Variants in ERG observed in about 807,000 individuals in gnomAD.
The protein encoded by ERG is ETS transcription factor ERG.
ERG carries 9 observed loss-of-function variants against 55.3 expected under a neutral mutation model. That is an observed-to-expected ratio of 0.16 (90% CI 0.10 to 0.28). The LOEUF (loss-of-function observed/expected upper bound fraction) is 0.28, where lower values mean the gene tolerates loss of function less well. Among genes scored for constraint, ERG ranks in the 10% least tolerant of loss-of-function variants. ERG has a pLI of 1.00. For missense variants in ERG, 434 were observed against 631.6 expected (o/e 0.69, Z 3.35); for synonymous variants, 223 against 237.3 (o/e 0.94, Z 0.55).
chr21:38,449,336 C>G (rs560798587), intron 1 of ERG, among the ~76,000 whole-genome samples: 1 of 152,284 alleles, frequency 6.6e-6, no homozygotes, highest in African/African-American at 2.4e-5. Context: ...TTTTAAATAA[C>G]TTACGAGAAA....
At chr21:38,485,461 CTT>C (rs34211335) in intron 1 of ERG, among the ~76,000 whole-genome samples, 44 of 130,366 alleles carry the variant, frequency 3.4e-4, no homozygotes, top group Middle Eastern at 4.2e-3. Flanking sequence ...AATATACAGT[CTT>C]TTTTTTTTTT....
At chr21:38,461,532 G>C (rs147085131) in intron 1 of ERG, among the ~76,000 whole-genome samples, 93 of 152,280 alleles carry the variant, frequency 6.1e-4, no homozygotes, top group Non-Finnish European at 1.0e-3. Context: ...CACAGTGCCA[G>C]GTACCACACT....
intron 4 of ERG, 109 bp downstream of exon 4, chr21:38,403,397 T>C: frequency 9.4e-7 from 1 of 1,067,362 alleles, no homozygotes; most frequent in Non-Finnish European, 1.4e-6. Context: ...CAGTGGGAAC[T>C]GGGCGAGGGC....
intron 1 of ERG, among the ~76,000 whole-genome samples, chr21:38,448,620 T>C (rs1219137181): frequency 1.3e-5 from 2 of 152,146 alleles, no homozygotes; most frequent in African/African-American, 4.8e-5. Context: ...AAGAAGAAGC[T>C]GAGGGGTTTT....
chr21:38,561,167 T>G (rs1347389115), intron 2 of ERG, among the ~76,000 whole-genome samples: 1 of 152,210 alleles, frequency 6.6e-6, no homozygotes, highest in African/African-American at 2.4e-5. Flanking sequence ...ATCCTTTTAT[T>G]GGATATATGT....
chr21:38,381,608 T>A lies in ERG; in HGVS notation c.*1795A>T, dbSNP rs1987439928. 1.9e-6 allele frequency: 2 copies of A among 1,063,170 alleles called. No homozygotes were observed. The highest frequency in any genetic ancestry group is 2.3e-6 in the Non-Finnish European group (2 of 878,028). 65.9% of individuals were successfully genotyped at this position (1,063,170 alleles called of 1,614,324 possible). On this transcript the variant is annotated 3_prime_UTR_variant, in exon 10 of 10. Coordinates refer to ENST00000288319, the MANE Select transcript of ERG (RefSeq NM_182918.4). ...ATTGCAGCTATCCATGACGCTTTAT[T>A]TGCCAGTAATAATACAGTTTGCCTT...
chr21:38,540,552 A>G (rs1010485832), intron 2 of ERG, among the ~76,000 whole-genome samples: 1 of 152,210 alleles, frequency 6.6e-6, no homozygotes, highest in African/African-American at 2.4e-5. Context: ...TGAGGCCATG[A>G]GATGATAAGA....
intron 1 of ERG, among the ~76,000 whole-genome samples, chr21:38,640,458 C>T (rs182087175): frequency 4.1e-4 from 62 of 152,226 alleles, no homozygotes; most frequent in Admixed American, 3.2e-3. Context: ...TTGTAGCTCC[C>T]GTAACTTCAA....
chr21:38,539,611 C>G (rs551953458), intron 2 of ERG, among the ~76,000 whole-genome samples: 1 of 152,302 alleles, frequency 6.6e-6, no homozygotes, highest in East Asian at 1.9e-4. Flanking sequence ...ATTAAAGATA[C>G]TTACAAATCA....
chr21:38,531,563 T>C (rs2059672456), intron 2 of ERG, among the ~76,000 whole-genome samples: 2 of 152,222 alleles, frequency 1.3e-5, no homozygotes, highest in Non-Finnish European at 2.9e-5. Flanking sequence ...AAAAATAAGA[T>C]GCCATTTTTA....
upstream of ERG, among the ~76,000 whole-genome samples, chr21:38,586,445 C>G (rs1176913153): frequency 6.6e-6 from 1 of 151,998 alleles, no homozygotes; most frequent in Non-Finnish European, 1.5e-5. Flanking sequence ...AATTTTGTGT[C>G]CTTTGACCAA....
At chr21:38,445,292 G>T in intron 2 of ERG, 112 bp downstream of exon 2, 3 of 796,320 alleles carry the variant, frequency 3.8e-6, no homozygotes, top group Non-Finnish European at 6.2e-6. Context: ...CAGGCACAGT[G>T]GCCTTGCTTT....
At position 38,447,989 on chromosome 21, in the gene ERG, A is replaced by T. The variant is rs1246243234; in HGVS notation, c.19-2368T>A. ...GAAATGGCTGCAACAATAACAAACA[A>T]GCAATAACTTTAAAGTATTAGTATT... On this transcript the variant is annotated intron_variant, in intron 1 of 9. Coordinates refer to ENST00000288319, the MANE Select transcript of ERG (RefSeq NM_182918.4). Among the ~76,000 whole-genome samples, 3 of 145,346 alleles carry T rather than the reference A, an allele frequency of 2.1e-5. No homozygotes were observed. The East Asian group carries it at 5.9e-4, about 28-fold the overall frequency.
intron 6 of ERG, among the ~76,000 whole-genome samples, chr21:38,394,621 G>C (rs758568558): frequency 6.6e-6 from 1 of 152,068 alleles, no homozygotes; most frequent in Non-Finnish European, 1.5e-5. Flanking sequence ...TAAAGTGCTG[G>C]GATTACAGGC....
intron 3 of ERG, among the ~76,000 whole-genome samples, chr21:38,408,765 T>A (rs1490355374): frequency 6.6e-6 from 1 of 152,152 alleles, no homozygotes; most frequent in African/African-American, 2.4e-5. Context: ...CCTATGAGAT[T>A]CAGCAGGCCT....
At chr21:38,497,791 A>G in intron 1 of ERG, among the ~76,000 whole-genome samples, 1 of 152,134 alleles carries the variant, frequency 6.6e-6, no homozygotes, top group Middle Eastern at 3.2e-3. Context: ...AGTGGAACAA[A>G]CCAAATTACC....
chr21:38,477,194 TG>T (rs1196066780), intron 1 of ERG, among the ~76,000 whole-genome samples: 3 of 152,016 alleles, frequency 2.0e-5, no homozygotes, highest in Non-Finnish European at 4.4e-5. Context: ...TTCTGTTTTT[TG>T]TAGAGACAAG....
intron 2 of ERG, among the ~76,000 whole-genome samples, chr21:38,531,431 C>A (rs1005967712): frequency 2.6e-5 from 4 of 152,160 alleles, no homozygotes; most frequent in Admixed American, 6.5e-5. Flanking sequence ...TTTGAGCCCT[C>A]CTTCACACTT....
At chr21:38,474,183 G>A (rs1219274657) in intron 1 of ERG, 1 of 152,156 alleles carries the variant, frequency 6.6e-6, no homozygotes, top group African/African-American at 2.4e-5. Context: ...CATATCTGAG[G>A]ACTTCCTGTG....
Sources: allele counts gnomAD v4.1 joint callset (sites outside exome capture counted in the v4.1 genomes callset), GRCh38; gene constraint gnomAD v4.1.1; transcripts MANE v1.5; gene names NCBI Gene and HGNC (gene_info 2026-07-23, HGNC 2026-07-21).